CNTNAP2: variants seen among roughly 807,000 people sequenced by gnomAD.
The protein encoded by CNTNAP2 is contactin associated protein 2.
A neutral mutation model predicts 155.2 loss-of-function variants in CNTNAP2; 98 were observed. The observed-to-expected ratio is 0.63, with a 90% CI of 0.54 to 0.75. CNTNAP2 has a LOEUF of 0.75. Ranked by LOEUF, CNTNAP2 falls within the 30% of genes least tolerant of loss-of-function variation. The pLI is 0.00. For missense variants in CNTNAP2, 1,727 were observed against 1,688.1 expected (o/e 1.02, Z -0.40); for synonymous variants, 651 against 631.2 (o/e 1.03, Z -0.47).
intron 14 of CNTNAP2, among the ~76,000 whole-genome samples, chr7:147,912,689 T>C (rs1319131808): frequency 6.6e-6 from 1 of 152,166 alleles, no homozygotes; most frequent in African/African-American, 2.4e-5. Context: ...GTCTCAACCC[T>C]GCTTTCATTA....
intron 21 of CNTNAP2, among the ~76,000 whole-genome samples, chr7:148,285,140 G>C (rs977117845): frequency 6.6e-6 from 1 of 152,234 alleles, no homozygotes; most frequent in Non-Finnish European, 1.5e-5. Flanking sequence ...TTTTTTGGCA[G>C]CAAGCATGGC....
At chr7:148,374,262 T>G (rs1166019629) in intron 21 of CNTNAP2, among the ~76,000 whole-genome samples, 2 of 152,076 alleles carry the variant, frequency 1.3e-5, no homozygotes, top group Admixed American at 6.6e-5. Flanking sequence ...ATAATACAAC[T>G]GAGAACAAAG....
chr7:147,508,875 A>C (rs546669427), intron 11 of CNTNAP2, among the ~76,000 whole-genome samples: 1 of 152,296 alleles, frequency 6.6e-6, no homozygotes, highest in East Asian at 1.9e-4. Flanking sequence ...GAGTCCATTA[A>C]ACCTCTTTTT....
intron 15 of CNTNAP2, among the ~76,000 whole-genome samples, chr7:148,016,037 A>G (rs1008903355): frequency 1.3e-5 from 2 of 152,216 alleles, no homozygotes; most frequent in African/African-American, 4.8e-5. Context: ...AAGTATTTTG[A>G]AGCTGAGAAA....
intron 21 of CNTNAP2, among the ~76,000 whole-genome samples, chr7:148,315,487 A>G (rs909367428): frequency 9.2e-5 from 14 of 152,160 alleles, no homozygotes; most frequent in Admixed American, 7.9e-4. Flanking sequence ...TCATCAGTTA[A>G]GGCAGGAACA....
chr7:146,206,263 T>A (rs1388040835), intron 1 of CNTNAP2, among the ~76,000 whole-genome samples: 1 of 151,886 alleles, frequency 6.6e-6, no homozygotes, highest in Non-Finnish European at 1.5e-5. Flanking sequence ...TTGTAATAAT[T>A]AATCATTGGC....
rs1312355428 is a variant in CNTNAP2 at position 146,968,646 on chromosome 7, C to T, written c.403-75261C>T. On this transcript the variant is annotated intron_variant, in intron 3 of 23. Transcript: ENST00000361727. ...ATGGTAGTTTGTATTTCTGTGGGAT[C>T]GGTGGTGATATCCCCTTTATCATTT... is the stretch of plus-strand genomic sequence containing the variant. 4.0e-3 allele frequency among the ~76,000 whole-genome samples: 606 copies of T among 151,672 alleles called. 1 individual carries two copies. The highest frequency in any genetic ancestry group is 0.011 in the Admixed American group (172 of 15,236).
intron 3 of CNTNAP2, among the ~76,000 whole-genome samples, chr7:147,011,088 T>C (rs559991700): frequency 1.3e-5 from 2 of 151,994 alleles, no homozygotes; most frequent in East Asian, 1.9e-4. Context: ...CCCAAATTGA[T>C]GCATTGTCAA....
chr7:148,240,522 CTG>C (rs1244202138), intron 20 of CNTNAP2, among the ~76,000 whole-genome samples: 1 of 152,140 alleles, frequency 6.6e-6, no homozygotes, highest in Non-Finnish European at 1.5e-5. Context: ...GGATTACAAA[CTG>C]TTGAATTCAG....
intron 1 of CNTNAP2, among the ~76,000 whole-genome samples, chr7:146,162,376 C>A (rs1440791175): frequency 2.0e-5 from 3 of 152,116 alleles, no homozygotes; most frequent in Non-Finnish European, 4.4e-5. Context: ...CAAAAGAAGA[C>A]GTTTATGCAG....
intron 4 of CNTNAP2, among the ~76,000 whole-genome samples, chr7:147,069,959 G>A (rs1799857556): frequency 6.6e-6 from 1 of 152,146 alleles, no homozygotes; most frequent in Non-Finnish European, 1.5e-5. Flanking sequence ...AGACAACACA[G>A]CATAGAGGAA....
chr7:147,317,804 G>GTGTATA (rs796999687), intron 9 of CNTNAP2, among the ~76,000 whole-genome samples: 1 of 72,390 alleles, frequency 1.4e-5, no homozygotes, highest in Non-Finnish European at 2.6e-5. Flanking sequence ...GTGTGTATAT[G>GTGTATA]TATATATATG....
rs1269115026 is a variant in CNTNAP2, at chr7:147,793,283, AC to A, written c.2099-110281del. On this transcript the variant is annotated intron_variant, in intron 13 of 23. Transcript: ENST00000361727. ...TAATTCAAAGACATGAAGACTTACT[AC>A]ACCTATGTTTTCATCTAAGAATTTA... Among the ~76,000 whole-genome samples the A allele has an allele frequency of 2.4e-3, 372 of 152,192 alleles. 1 individual carries two copies. Among genetic ancestry groups the A allele is most frequent in the African/African-American group, 8.4e-3 (351 of 41,548 alleles).
intron 14 of CNTNAP2, among the ~76,000 whole-genome samples, chr7:147,960,494 C>T (rs1801097758): frequency 6.6e-6 from 1 of 152,172 alleles, no homozygotes; most frequent in African/African-American, 2.4e-5. Context: ...TGCCTGAAAT[C>T]AGCCTGCCAA....
Position 148,092,217 on chromosome 7 carries a change from TA to T in CNTNAP2, c.2384-25898del, listed in dbSNP as rs1280089405. On this transcript the variant is annotated intron_variant, in intron 15 of 23. Coordinates refer to ENST00000361727, the MANE Select transcript of CNTNAP2 (RefSeq NM_014141.6). Reference sequence around the variant, plus strand: ...TAATTCTTCCACGACATTTGTTGGTTAAATGTTGACCAACAAAAGCAGAATG... The same window carrying T: ...TAATTCTTCCACGACATTTGTTGGTTAATGTTGACCAACAAAAGCAGAATG... Among the ~76,000 whole-genome samples, 3 of 152,300 alleles carry T rather than the reference TA, an allele frequency of 2.0e-5. No individual in the cohort carries two copies. The East Asian group carries it at 5.8e-4, about 29-fold the overall frequency.
chr7:146,496,235 T>G (rs1440882386), intron 1 of CNTNAP2, among the ~76,000 whole-genome samples: 1 of 152,156 alleles, frequency 6.6e-6, no homozygotes, highest in Non-Finnish European at 1.5e-5. Context: ...CAGGCGGTGA[T>G]GACTTTCTCA....
chr7:146,930,125 GAC>G (rs1460873034), intron 3 of CNTNAP2, among the ~76,000 whole-genome samples: 1 of 152,048 alleles, frequency 6.6e-6, no homozygotes, highest in African/African-American at 2.4e-5. Context: ...GCAACTCCAA[GAC>G]ACATAATTGT....
At position 147,542,748 on chromosome 7, in the gene CNTNAP2, G is replaced by A. The variant is rs764679022; in HGVS notation, c.1778-19390G>A. Among the ~76,000 whole-genome samples, 132 of 152,166 alleles carry A rather than the reference G, an allele frequency of 8.7e-4. 4 individuals are homozygous for A. The highest frequency in any genetic ancestry group is 6.3e-4 in the Non-Finnish European group (43 of 68,040). ...TGAGATCCATAAATTTGTGTTTAGTGACAATATTTATGTGCTCTGAAGTTA... is the reference window on the plus strand; with the variant it reads ...TGAGATCCATAAATTTGTGTTTAGTAACAATATTTATGTGCTCTGAAGTTA... On this transcript the variant is annotated intron_variant, in intron 11 of 23. Coordinates refer to ENST00000361727, the MANE Select transcript of CNTNAP2 (RefSeq NM_014141.6).
intron 21 of CNTNAP2, among the ~76,000 whole-genome samples, chr7:148,303,011 G>A (rs1797422273): frequency 6.6e-6 from 1 of 151,770 alleles, no homozygotes; most frequent in Admixed American, 6.6e-5. Context: ...TAGAGGCAGA[G>A]TTTCACATGT....
Sources: gnomAD v4.1 joint callset for allele counts (sites outside exome capture counted in the v4.1 genomes callset) on GRCh38, gnomAD v4.1.1 for gene constraint, MANE v1.5 for transcripts, NCBI Gene and HGNC (gene_info 2026-07-23, HGNC 2026-07-21) for gene names.